The following ATG7 variants were observed in gnomAD, a reference collection of about 807,000 sequenced individuals.
ATG7 encodes the protein autophagy related 7, also known as ubiquitin-like modifier-activating enzyme ATG7.
ATG7 carries 70 observed loss-of-function variants against 82.4 expected under a neutral mutation model. The ratio of observed to expected loss-of-function variants is 0.85; its 90% CI spans 0.70 to 1.04. The LOEUF is 1.04. Ranked by LOEUF, ATG7 falls within the 50% of genes least tolerant of loss-of-function variation. The probability of loss-of-function intolerance (pLI) is 0.00; values close to 1 mark genes in which losing one functional copy is unlikely to be tolerated. For synonymous variants in ATG7, 287 were observed against 313.0 expected, an observed-to-expected ratio of 0.92 and a Z score of 0.88; for missense variants, 792 against 864.3, an observed-to-expected ratio of 0.92 and a Z score of 1.05.
intron 17 of ATG7, 70 bp downstream of exon 17, chr3:11,362,998 A>T: frequency 1.5e-6 from 2 of 1,342,508 alleles, no homozygotes; most frequent in Non-Finnish European, 2.1e-6. Context: ...AGTGTCTCCC[A>T]TGGCCTTTTC....
chr3:11,352,776 A>G (rs2075659524), intron 14 of ATG7, among the ~76,000 whole-genome samples: 1 of 152,192 alleles, frequency 6.6e-6, no homozygotes, highest in African/African-American at 2.4e-5. Context: ...GGACCTGGAC[A>G]AGTGTGGGGC....
At chr3:11,498,810 G>T (rs1037626387) in intron 20 of ATG7, among the ~76,000 whole-genome samples, 1 of 152,210 alleles carries the variant, frequency 6.6e-6, no homozygotes, top group Non-Finnish European at 1.5e-5. Context: ...CCTAGGCTGG[G>T]CTCCAGGCCA....
At chr3:11,425,859 C>G (rs1294531676) in intron 19 of ATG7, among the ~76,000 whole-genome samples, 1 of 152,154 alleles carries the variant, frequency 6.6e-6, no homozygotes, top group Non-Finnish European at 1.5e-5. Flanking sequence ...ACCACAGATT[C>G]ATGTTGCCTA....
chr3:11,417,163 AAG>A (rs1197043348), intron 19 of ATG7, among the ~76,000 whole-genome samples: 4 of 152,180 alleles, frequency 2.6e-5, no homozygotes, highest in South Asian at 2.1e-4. Flanking sequence ...TGTTGGATGA[AAG>A]AGAGAGGTGA....
intron 20 of ATG7, among the ~76,000 whole-genome samples, chr3:11,545,997 T>G (rs9850938): frequency 0.45 from 68,331 of 151,596 alleles, 16,114 homozygotes; most frequent in African/African-American, 0.59. Context: ...AATTAGCTGG[T>G]TGTGGTGGCA....
chr3:11,558,666 C>G, downstream of ATG7: 1 of 1,613,264 alleles, frequency 6.2e-7, no homozygotes, highest in Non-Finnish European at 8.5e-7. Flanking sequence ...CCGTCCTTGG[C>G]CGCTTTGATC....
At chr3:11,324,622 C>T (rs928957370) in intron 9 of ATG7, among the ~76,000 whole-genome samples, 10 of 152,146 alleles carry the variant, frequency 6.6e-5, no homozygotes, top group African/African-American at 2.4e-4. Flanking sequence ...GAAACTTATT[C>T]CTAGTCTTTT....
At chr3:11,496,891 G>T (rs1168671317) in intron 20 of ATG7, among the ~76,000 whole-genome samples, 8 of 151,728 alleles carry the variant, frequency 5.3e-5, no homozygotes, top group African/African-American at 7.3e-5. Context: ...ATGGAGTCTC[G>T]CTCTGTCACC....
At chr3:11,319,375 A>G (rs1344415229) in intron 9 of ATG7, among the ~76,000 whole-genome samples, 1 of 143,676 alleles carries the variant, frequency 7.0e-6, no homozygotes, top group East Asian at 2.2e-4. Flanking sequence ...GTTTTACTTG[A>G]TTCTGCCCCC....
chr3:11,520,451 C>T (rs1022212374), intron 20 of ATG7, among the ~76,000 whole-genome samples: 7 of 152,174 alleles, frequency 4.6e-5, no homozygotes, highest in Non-Finnish European at 8.8e-5. Flanking sequence ...AGCTCAGCAG[C>T]GAGTGTGTGC....
chr3:11,353,625 C>G (rs914485388), intron 14 of ATG7, among the ~76,000 whole-genome samples: 3 of 152,058 alleles, frequency 2.0e-5, no homozygotes, highest in African/African-American at 7.2e-5. Context: ...GGTGCCCTCT[C>G]CACATTAATG....
chr3:11,382,880 TG>T, intron 19 of ATG7, among the ~76,000 whole-genome samples: 1 of 152,326 alleles, frequency 6.6e-6, no homozygotes, highest in Admixed American at 6.5e-5. Context: ...ATTCATCCAT[TG>T]TTAACATTTT....
intron 20 of ATG7, among the ~76,000 whole-genome samples, chr3:11,543,062 CCA>C (rs910180467): frequency 1.3e-5 from 2 of 152,214 alleles, no homozygotes; most frequent in Non-Finnish European, 2.9e-5. Context: ...GCTGCACAGG[CCA>C]CAGTTAGATG....
chr3:11,299,184 CT>C (rs1176252164), intron 4 of ATG7, 177 bp from the exon 5 acceptor site: 13 of 622,136 alleles, frequency 2.1e-5, no homozygotes, highest in African/African-American at 1.8e-4. Context: ...CACAAGAGCT[CT>C]GTCACATTCT....
chr3:11,453,326 T>C (rs949594968), intron 20 of ATG7, among the ~76,000 whole-genome samples: 1 of 152,192 alleles, frequency 6.6e-6, no homozygotes, highest in Non-Finnish European at 1.5e-5. Context: ...TTCAGAGTAA[T>C]TCTCAGGGTA....
intron 20 of ATG7, among the ~76,000 whole-genome samples, chr3:11,551,934 AG>A (rs2071837302): frequency 6.6e-6 from 1 of 151,790 alleles, no homozygotes; most frequent in South Asian, 2.1e-4. Flanking sequence ...TTTTTAGTAG[AG>A]ACGGGGTTTC....
At chr3:11,337,879 A>C (rs1952794891) in intron 11 of ATG7, among the ~76,000 whole-genome samples, 4 of 152,152 alleles carry the variant, frequency 2.6e-5, no homozygotes, top group Admixed American at 6.5e-5. Context: ...GAGAAAACCT[A>C]GGCTGGAGTT....
chr3:11,300,872 G>A (rs886738882), intron 5 of ATG7, among the ~76,000 whole-genome samples: 1 of 152,138 alleles, frequency 6.6e-6, no homozygotes, highest in Non-Finnish European at 1.5e-5. Flanking sequence ...AGTGTTCTGG[G>A]CACGTTTAAG....
downstream of ATG7, chr3:11,558,757 G>A (rs200909181): frequency 5.7e-5 from 92 of 1,613,996 alleles, no homozygotes; most frequent in Admixed American, 8.3e-5. Context: ...GTGCCGGCTC[G>A]GGCTCCTTGT....
Sources: gnomAD v4.1 joint callset for allele counts (sites outside exome capture counted in the v4.1 genomes callset) on GRCh38, gnomAD v4.1.1 for gene constraint, MANE v1.5 for transcripts, NCBI Gene and HGNC (gene_info 2026-07-23, HGNC 2026-07-21) for gene names.